Variants in WASHC5 observed in about 807,000 individuals in gnomAD.
The protein encoded by WASHC5 is WASH complex subunit 5.
WASHC5 carries 101 observed loss-of-function variants against 150.4 expected under a neutral mutation model. The ratio of observed to expected loss-of-function variants is 0.67; its 90% confidence interval spans 0.57 to 0.79. The LOEUF (loss-of-function observed/expected upper bound fraction) is 0.79, where lower values mean the gene tolerates loss of function less well. Among genes scored for constraint, WASHC5 ranks in the 30% least tolerant of loss-of-function variants. The probability of loss-of-function intolerance (pLI) is 0.00; values close to 1 mark genes in which losing one functional copy is unlikely to be tolerated. For missense variants in WASHC5, 1,195 were observed against 1,396.3 expected, an observed-to-expected ratio of 0.86 and a Z score of 2.30; for synonymous variants, 467 against 491.2, an observed-to-expected ratio of 0.95 and a Z score of 0.65.
intron 4 of WASHC5, among the ~76,000 whole-genome samples, chr8:125,082,169 C>G (rs1817284118): frequency 6.6e-6 from 1 of 152,216 alleles, no homozygotes; most frequent in African/African-American, 2.4e-5. Context: ...CGAGGAGGCT[C>G]ATAACTTCCA....
At position 125,047,350 on chromosome 8, in the gene WASHC5, A is replaced by G. The variant is rs1352359574; in HGVS notation, c.2380-19T>C. ...CTTGAATCTAGAAAACAAAACCATC[A>G]ATATTTAGTAAACCTTTGATAAGAT... On this transcript the variant is annotated intron_variant, in intron 19 of 28. Transcript: ENST00000318410. 1.2e-6 allele frequency: 2 copies of G among 1,611,134 alleles called. No homozygotes were observed. Among genetic ancestry groups the G allele is most frequent in the South Asian group, 2.2e-5 (2 of 91,010 alleles).
rs562171375 is a variant in WASHC5 at position 125,087,283 on chromosome 8, C to A, written c.-124-3261G>T. 1.6e-4 allele frequency among the ~76,000 whole-genome samples: 25 copies of A among 152,192 alleles called. No homozygotes were observed. In the South Asian group the frequency reaches 4.8e-3, roughly 29 times the overall value. On this transcript the variant is annotated intron_variant, in intron 1 of 28. Transcript: ENST00000318410. The stretch of plus-strand genomic sequence containing the variant: ...TGTACTACTGCATTTTCCTCCAATC[C>A]CCATCTTTTCAGTTCTCTGCTTCCG...
intron 20 of WASHC5, 166 bp from the exon 21 acceptor site, chr8:125,044,864 C>T (rs1036377610): frequency 4.1e-6 from 3 of 725,844 alleles, no homozygotes; most frequent in Non-Finnish European, 7.4e-6. Flanking sequence ...CCCAGTGACA[C>T]CCAATGGAAC....
chr8:125,079,639 T>C (rs1053810373), intron 5 of WASHC5, among the ~76,000 whole-genome samples: 16 of 152,224 alleles, frequency 1.1e-4, no homozygotes, highest in Admixed American at 9.2e-4. Flanking sequence ...ATATAGATCA[T>C]ACACAATACA....
At chr8:125,068,487 T>C (rs1816812569) in intron 9 of WASHC5, among the ~76,000 whole-genome samples, 1 of 152,206 alleles carries the variant, frequency 6.6e-6, no homozygotes, top group Non-Finnish European at 1.5e-5. Flanking sequence ...GCCTCATTCC[T>C]CCAAATTCAC....
rs1450867758 is a variant in WASHC5 at position 125,050,634 on chromosome 8, A to G, written c.2129T>C (p.Ile710Thr). 1.2e-6 allele frequency: 2 copies of G among 1,614,142 alleles called. No individual in the cohort carries two copies. The change falls in exon 18 of 29, where the codon ATA becomes ACA. Residue 710 changes from isoleucine (I) to threonine (T), a missense_variant. This residue lies in a region of WASHC5 where 997 missense variants were observed against 1,168.1 expected (regional missense o/e 0.85). Coordinates refer to ENST00000318410, the MANE Select transcript of WASHC5 (RefSeq NM_014846.4). ...VDPKQLLEDG[I>T]RKELVKRVAF... is the part of the protein sequence containing the mutation. ...AACGCGCTTCACAAGCTCTTTCCTT[A>G]TTCCATCTTCCAGCAACTGCTTTGG...
chr8:125,055,521 A>G, intron 17 of WASHC5, 70 bp downstream of exon 17: 2 of 898,036 alleles, frequency 2.2e-6, no homozygotes, highest in Non-Finnish European at 1.9e-6. Flanking sequence ...TGCACACATG[A>G]TAATTACCAC....
intron 28 of WASHC5, among the ~76,000 whole-genome samples, chr8:125,027,216 T>A (rs897147999): frequency 3.9e-5 from 6 of 152,216 alleles, no homozygotes; most frequent in African/African-American, 1.4e-4. Flanking sequence ...GTTTTTCACA[T>A]GATTCTATTG....
intron 1 of WASHC5, among the ~76,000 whole-genome samples, chr8:125,090,343 C>A (rs1817566989): frequency 6.6e-6 from 1 of 152,162 alleles, no homozygotes; most frequent in Admixed American, 6.5e-5. Context: ...GATGGCTTTA[C>A]AAAGTGTTAA....
chr8:125,039,677 G>A (rs1008817629), intron 24 of WASHC5, 118 bp downstream of exon 24: 6 of 732,744 alleles, frequency 8.2e-6, no homozygotes, highest in Non-Finnish European at 1.5e-5. Context: ...AAGGAAGCCT[G>A]TAAATTCAGA....
chr8:125,076,262 TACAACCTGTGGGTTAAAG>T, intron 7 of WASHC5, 68 bp downstream of exon 7: 2 of 1,252,840 alleles, frequency 1.6e-6, no homozygotes, highest in East Asian at 4.7e-5. Context: ...TTTACAACAT[TACAACCTGTGGGTTAAAG>T]GCCAAAAGAA....
intron 20 of WASHC5, among the ~76,000 whole-genome samples, chr8:125,045,616 C>T (rs1285757237): frequency 6.6e-6 from 1 of 152,208 alleles, no homozygotes; most frequent in Non-Finnish European, 1.5e-5. Flanking sequence ...AAAGCCACCA[C>T]ATACCTTTAC....
Position 125,071,893 on chromosome 8 carries a change from C to G in WASHC5, c.1150+1260G>C, listed in dbSNP as rs185183126. 2.0e-5 allele frequency among the ~76,000 whole-genome samples: 3 copies of G among 152,298 alleles called. No homozygotes were observed. In the East Asian group the frequency reaches 5.8e-4, roughly 29 times the overall value. On this transcript the variant is annotated intron_variant, in intron 9 of 28. Transcript: ENST00000318410. ...CTTCTGGACATTCTAGGGGAAAAGT[C>G]TGTTTTCTTGTTTTCAGCAGCTAAA...
At chr8:125,024,720 A>G in intron 28 of WASHC5, 47 bp from the exon 29 acceptor site, 1 of 1,321,374 alleles carries the variant, frequency 7.6e-7, no homozygotes, top group Non-Finnish European at 1.1e-6. Flanking sequence ...TAGTTGAACA[A>G]TTACAAAATT....
chr8:125,079,304 C>T (rs1435481911), intron 5 of WASHC5, among the ~76,000 whole-genome samples: 1 of 148,142 alleles, frequency 6.8e-6, no homozygotes, highest in Non-Finnish European at 1.5e-5. Flanking sequence ...AATTCTCCTG[C>T]CTCAGCCTCC....
intron 25 of WASHC5, 65 bp downstream of exon 25, chr8:125,038,765 C>CT (rs576681080): frequency 3.6e-4 from 571 of 1,590,422 alleles, no homozygotes; most frequent in Non-Finnish European, 4.7e-4. Context: ...GCACAGTAAT[C>CT]TGTTACCTGG....
chr8:125,089,574 T>C (rs950182733), intron 1 of WASHC5, among the ~76,000 whole-genome samples: 1 of 152,186 alleles, frequency 6.6e-6, no homozygotes, highest in African/African-American at 2.4e-5. Context: ...GGCTACCCGA[T>C]TTGGGATACC....
At chr8:125,078,619 A>G (rs547441162) in intron 6 of WASHC5, 119 bp downstream of exon 6, 1 of 839,644 alleles carries the variant, frequency 1.2e-6, no homozygotes, top group Non-Finnish European at 2.0e-6. Context: ...AAAAGGTTTT[A>G]AAAGGTTCTA....
chr8:125,026,375 T>C (rs1307862085), intron 28 of WASHC5, among the ~76,000 whole-genome samples: 1 of 152,210 alleles, frequency 6.6e-6, no homozygotes, highest in East Asian at 1.9e-4. Flanking sequence ...TCCTCTTTTG[T>C]CTTTTGTTTT....
Sources: gnomAD v4.1 joint callset for allele counts (sites outside exome capture counted in the v4.1 genomes callset) on GRCh38, gnomAD v4.1.1 for gene constraint, gnomAD v4.1.1 regional missense constraint, MANE v1.5 for transcripts, NCBI Gene and HGNC (gene_info 2026-07-23, HGNC 2026-07-21) for gene names.